EGFL6: variants seen among roughly 807,000 people sequenced by gnomAD.
The protein encoded by EGFL6 is epidermal growth factor-like protein 6.
EGFL6 carries 42 observed loss-of-function variants against 43.1 expected under a neutral mutation model. That is an observed-to-expected ratio of 0.98 (90% confidence interval 0.76 to 1.26). EGFL6 has a LOEUF of 1.26. Among genes scored for constraint, EGFL6 ranks in the 50% most tolerant of loss-of-function variants. The pLI is 0.00. For missense variants in EGFL6, 429 were observed against 427.8 expected, an observed-to-expected ratio of 1.00 and a Z score of -0.02; for synonymous variants, 164 against 163.2, an observed-to-expected ratio of 1.01 and a Z score of -0.04.
chrX:13,580,171 T>A (rs1356413776), intron 1 of EGFL6, among the ~76,000 whole-genome samples: 1 of 111,821 alleles, frequency 8.9e-6, no homozygotes, highest in Non-Finnish European at 1.9e-5. Context: ...CCACACTTGT[T>A]ACTCTTCCCT....
chrX:13,589,011 A>T (rs2045548324), intron 1 of EGFL6, among the ~76,000 whole-genome samples: 1 of 112,168 alleles, frequency 8.9e-6, no homozygotes, highest in East Asian at 2.8e-4. Flanking sequence ...AGAATTCCCA[A>T]CACCCAGCTC....
intron 1 of EGFL6, among the ~76,000 whole-genome samples, chrX:13,578,329 T>C (rs1045256425): frequency 1.7e-4 from 18 of 108,000 alleles, no homozygotes; most frequent in Non-Finnish European, 3.1e-4. Flanking sequence ...ACACTGTTGG[T>C]GGGACTGTAA....
chrX:13,588,296 A>G (rs1003734877), intron 1 of EGFL6, among the ~76,000 whole-genome samples: 1 of 112,523 alleles, frequency 8.9e-6, no homozygotes, highest in African/African-American at 3.2e-5. Context: ...GAAATCTACA[A>G]GGTTGTTTAA....
intron 7 of EGFL6, among the ~76,000 whole-genome samples, chrX:13,612,814 C>T (rs139254769): frequency 0.053 from 6,001 of 112,400 alleles, 137 homozygotes; most frequent in East Asian, 0.13. Context: ...TGTTATATTA[C>T]AAATACATTT....
chrX:13,591,560 T>C (rs1322657196), intron 2 of EGFL6, among the ~76,000 whole-genome samples: 2 of 111,896 alleles, frequency 1.8e-5, no homozygotes, highest in African/African-American at 6.5e-5. Flanking sequence ...GTCATGTTTC[T>C]TGAAGCACCA....
At chrX:13,608,172 G>A (rs1399347583) in intron 6 of EGFL6, 152 bp from the exon 7 acceptor site, 5 of 636,369 alleles carry the variant, frequency 7.9e-6, no homozygotes, top group East Asian at 3.6e-5. Context: ...GCTGGCCAAT[G>A]AGCCTGCAGT....
chrX:13,596,741 A>G (rs1602645696), intron 3 of EGFL6, among the ~76,000 whole-genome samples: 1 of 111,752 alleles, frequency 8.9e-6, no homozygotes, highest in African/African-American at 3.3e-5. Context: ...CCCGGGCAAC[A>G]TCTGGCAGTG....
chrX:13,612,769 C>G lies in EGFL6; in HGVS notation c.778+4323C>G, dbSNP rs910424635. Reference sequence around the variant, plus strand: ...AAAAACAAAAATGAGAGAATTGCATCTAGTTAGCATTCAGCATTATAAAAC... The same window carrying G: ...AAAAACAAAAATGAGAGAATTGCATGTAGTTAGCATTCAGCATTATAAAAC... On this transcript the variant is annotated intron_variant, in intron 7 of 11. Coordinates refer to ENST00000361306, the MANE Select transcript of EGFL6 (RefSeq NM_015507.4). Among the ~76,000 whole-genome samples, 3 of 112,585 alleles carry G rather than the reference C, an allele frequency of 2.7e-5. No individual in the cohort carries two copies. In the Admixed American group the frequency reaches 2.8e-4, roughly 11 times the overall value.
At chrX:13,623,607 C>T (rs756058463) in intron 9 of EGFL6, among the ~76,000 whole-genome samples, 1 of 107,518 alleles carries the variant, frequency 9.3e-6, no homozygotes, top group South Asian at 4.2e-4. Flanking sequence ...CTCCTGACCT[C>T]GTGATCTGCC....
chrX:13,608,558 T>C, intron 7 of EGFL6, 112 bp downstream of exon 7: 3 of 938,129 alleles, frequency 3.2e-6, no homozygotes, highest in Non-Finnish European at 4.5e-6. Context: ...CTTCTCCCTC[T>C]CCCTTACTCT....
intron 2 of EGFL6, among the ~76,000 whole-genome samples, chrX:13,590,788 G>A (rs1459294577): frequency 2.2e-4 from 25 of 112,038 alleles, no homozygotes; most frequent in Non-Finnish European, 2.6e-4. Flanking sequence ...GATGACAAGA[G>A]CATAAAAATA....
At chrX:13,614,142 A>C (rs369326230) in intron 7 of EGFL6, among the ~76,000 whole-genome samples, 4 of 112,334 alleles carry the variant, frequency 3.6e-5, no homozygotes, top group African/African-American at 1.3e-4. Flanking sequence ...GAAGTTAATT[A>C]TTCATTTGAG....
intron 4 of EGFL6, among the ~76,000 whole-genome samples, chrX:13,600,779 G>A (rs1463241060): frequency 9.4e-6 from 1 of 106,287 alleles, no homozygotes; most frequent in African/African-American, 3.5e-5. Flanking sequence ...GGCATGGTAG[G>A]GCACCTGTAA....
chrX:13,623,837 G>A lies in EGFL6; in HGVS notation c.1197G>A (p.Ser399=), dbSNP rs780017714. 4.2e-5 allele frequency: 51 copies of A among 1,203,706 alleles called. No individual in the cohort carries two copies. The East Asian group carries it at 4.7e-4, about 11-fold the overall frequency. ...SKLEHKDLNI[S]VDCSFNHGIC... is the part of the protein sequence containing the mutation. The stretch of plus-strand genomic sequence containing the variant: ...TCTTTTTAGCAGATTTAAATATCTC[G>A]GTTGACTGCAGCTTCAATCATGGGA... The change falls in exon 10 of 12, where the codon TCG becomes TCA. Residue 399 remains serine (S), a synonymous_variant. Transcript: ENST00000361306.
At chrX:13,594,735 C>G in intron 2 of EGFL6, 101 bp from the exon 3 acceptor site, 1 of 655,300 alleles carries the variant, frequency 1.5e-6, no homozygotes, top group Non-Finnish European at 2.4e-6. Context: ...CTGTATGTCC[C>G]CATGGAGTTC....
intron 1 of EGFL6, among the ~76,000 whole-genome samples, chrX:13,580,361 G>A (rs192301466): frequency 1.9e-4 from 21 of 111,440 alleles, no homozygotes; most frequent in African/African-American, 5.9e-4. Flanking sequence ...CTGCATTCTT[G>A]ACCGATTCAT....
intron 11 of EGFL6, 107 bp from the exon 12 acceptor site, chrX:13,632,878 C>T: frequency 1.4e-6 from 1 of 703,039 alleles, no homozygotes; most frequent in Non-Finnish European, 2.2e-6. Flanking sequence ...AATGTCGAAG[C>T]CGGTTTCTAT....
Position 13,570,469 on chromosome X carries a change from G to A in EGFL6, c.74+534G>A, listed in dbSNP as rs749851687. Among the ~76,000 whole-genome samples, 4 of 111,913 alleles carry A rather than the reference G, an allele frequency of 3.6e-5. No individual in the cohort carries two copies. The South Asian group carries it at 1.5e-3, about 43-fold the overall frequency. Reference sequence around the variant, plus strand: ...CGGGCTGCTCTCCTCACTGCTCTCTGATTAGGGTTGATGAACTGGAAAGAA... The same window carrying A: ...CGGGCTGCTCTCCTCACTGCTCTCTAATTAGGGTTGATGAACTGGAAAGAA... On this transcript the variant is annotated intron_variant, in intron 1 of 11. Coordinates refer to ENST00000361306, the MANE Select transcript of EGFL6 (RefSeq NM_015507.4).
intron 6 of EGFL6, among the ~76,000 whole-genome samples, 166 bp from the exon 7 acceptor site, chrX:13,608,158 G>T (rs754315840): frequency 9.0e-6 from 1 of 111,515 alleles, no homozygotes; most frequent in South Asian, 3.8e-4. Context: ...ACAAAGCCAG[G>T]GCTGCTGGCC....
Sources: allele counts gnomAD v4.1 joint callset (sites outside exome capture counted in the v4.1 genomes callset), GRCh38; gene constraint gnomAD v4.1.1; transcripts MANE v1.5; gene names NCBI Gene and HGNC (gene_info 2026-07-23, HGNC 2026-07-21).